The following PCDH15 variants were observed in gnomAD, a reference collection of about 807,000 sequenced individuals.
PCDH15 encodes protocadherin related 15.
A neutral mutation model predicts 178.5 loss-of-function variants in PCDH15; 129 were observed. That is an observed-to-expected ratio of 0.72 (90% CI 0.63 to 0.84). The LOEUF (loss-of-function observed/expected upper bound fraction) is 0.84, where lower values mean the gene tolerates loss of function less well. PCDH15 is among the 40% of genes least tolerant of loss of function. The pLI, the probability that PCDH15 is intolerant of heterozygous loss-of-function variation, is 0.00. For synonymous variants in PCDH15, 800 were observed against 732.0 expected, an observed-to-expected ratio of 1.09 and a Z score of -1.50; for missense variants, 2,230 against 2,099.9, an observed-to-expected ratio of 1.06 and a Z score of -1.21.
intron 1 of PCDH15, among the ~76,000 whole-genome samples, chr10:54,798,556 C>T (rs983993368): frequency 7.2e-5 from 11 of 151,798 alleles, no homozygotes; most frequent in Admixed American, 1.3e-4. Flanking sequence ...CAAGTGGTCC[C>T]GATACTAAGA....
intron 3 of PCDH15, among the ~76,000 whole-genome samples, chr10:54,852,516 C>A (rs1256156726): frequency 1.3e-5 from 2 of 151,986 alleles, no homozygotes; most frequent in African/African-American, 4.8e-5. Flanking sequence ...AAGAGAACTC[C>A]TACAAAAAAT....
At chr10:55,464,140 T>C (rs571162503) in intron 2 of PCDH15, among the ~76,000 whole-genome samples, 1 of 152,214 alleles carries the variant, frequency 6.6e-6, no homozygotes, top group South Asian at 2.1e-4. Flanking sequence ...GGGAGTCGGA[T>C]CAACCAATGT....
At chr10:54,157,877 A>C (rs141145823) in intron 13 of PCDH15, among the ~76,000 whole-genome samples, 1,705 of 152,298 alleles carry the variant, frequency 0.011, 36 homozygotes, top group African/African-American at 0.037. Context: ...TCTCTAGAGC[A>C]GGGGCAAAAT....
chr10:53,950,817 G>A (rs903779919), intron 23 of PCDH15, among the ~76,000 whole-genome samples: 4 of 152,124 alleles, frequency 2.6e-5, no homozygotes, highest in African/African-American at 7.2e-5. Flanking sequence ...ATATATAAAA[G>A]GAATTTAATG....
intron 21 of PCDH15, 99 bp from the exon 22 acceptor site, chr10:53,961,991 A>G: frequency 9.9e-7 from 1 of 1,012,044 alleles, no homozygotes; most frequent in Non-Finnish European, 1.5e-6. Context: ...GTCTTTTAGA[A>G]GTGAAAATCA....
intron 2 of PCDH15, among the ~76,000 whole-genome samples, chr10:55,063,759 C>T (rs1048992934): frequency 2.0e-5 from 3 of 152,068 alleles, no homozygotes; most frequent in Non-Finnish European, 2.9e-5. Context: ...AAGTCAAGCT[C>T]CCCATAAAGC....
chr10:54,729,556 A>G (rs2152566), intron 1 of PCDH15, among the ~76,000 whole-genome samples: 92,061 of 151,498 alleles, frequency 0.61, 28,954 homozygotes, highest in Middle Eastern at 0.72. Context: ...GACAAGTGGG[A>G]CCTAATTATA....
At position 53,823,200 on chromosome 10, in the gene PCDH15, G is replaced by C. The variant is rs372466739; in HGVS notation, c.4368-2970C>G. ...AGATAGAAATGTGAATTTTCTTGCAGACTTCAGTTTGTTGCTCTTAAGTGA... is the reference window on the plus strand; with the variant it reads ...AGATAGAAATGTGAATTTTCTTGCACACTTCAGTTTGTTGCTCTTAAGTGA... On this transcript the variant is annotated intron_variant, in intron 32 of 37. Coordinates refer to ENST00000644397, the MANE Select transcript of PCDH15 (RefSeq NM_001384140.1). The C allele has an allele frequency of 2.5e-6, 4 of 1,613,874 alleles. No homozygotes were observed. The African/African-American group carries it at 5.3e-5, about 22-fold the overall frequency.
chr10:53,915,952 G>A (rs1589403934), intron 25 of PCDH15, among the ~76,000 whole-genome samples: 1 of 152,062 alleles, frequency 6.6e-6, no homozygotes, highest in Non-Finnish European at 1.5e-5. Flanking sequence ...TATCTGTGGG[G>A]GATTGGTCCC....
At chr10:54,200,754 A>G (rs1373341323) in intron 10 of PCDH15, among the ~76,000 whole-genome samples, 1 of 151,852 alleles carries the variant, frequency 6.6e-6, no homozygotes, top group African/African-American at 2.4e-5. Context: ...ATTTTTTCTC[A>G]TTCTCGTTTG....
intron 18 of PCDH15, among the ~76,000 whole-genome samples, chr10:54,059,337 A>G (rs1454502443): frequency 1.3e-5 from 2 of 152,206 alleles, no homozygotes; most frequent in African/African-American, 4.8e-5. Context: ...TACTGTTGGG[A>G]GTATGCACAA....
At chr10:53,826,152 G>A (rs1419147949) in intron 32 of PCDH15, among the ~76,000 whole-genome samples, 2 of 150,366 alleles carry the variant, frequency 1.3e-5, no homozygotes, top group African/African-American at 2.4e-5. Context: ...AATTACAAAA[G>A]AAACAATCAT....
chr10:54,799,861 C>CA (rs1043591456), intron 1 of PCDH15, among the ~76,000 whole-genome samples: 1 of 150,888 alleles, frequency 6.6e-6, no homozygotes, highest in South Asian at 2.1e-4. Flanking sequence ...GAAAAGAAAA[C>CA]AAAAAAACAG....
chr10:54,342,850 A>G (rs1245191605), intron 6 of PCDH15, among the ~76,000 whole-genome samples: 1 of 152,172 alleles, frequency 6.6e-6, no homozygotes, highest in African/African-American at 2.4e-5. Flanking sequence ...TTAAGATTTA[A>G]TAACTGCCCT....
chr10:55,052,696 A>G (rs1328492844), intron 2 of PCDH15, among the ~76,000 whole-genome samples: 2 of 151,944 alleles, frequency 1.3e-5, no homozygotes, highest in Non-Finnish European at 2.9e-5. Flanking sequence ...AGCCTGGGCC[A>G]CAGAGTGAGA....
chr10:55,356,732 G>A (rs1196302303), intron 2 of PCDH15, among the ~76,000 whole-genome samples: 1 of 151,770 alleles, frequency 6.6e-6, no homozygotes, highest in Non-Finnish European at 1.5e-5. Flanking sequence ...TAATTACCCT[G>A]TAAGATATGT....
intron 15 of PCDH15, among the ~76,000 whole-genome samples, chr10:54,131,335 TG>T (rs2042418117): frequency 6.6e-6 from 1 of 152,188 alleles, no homozygotes; most frequent in Admixed American, 6.5e-5. Context: ...AAATTTATTT[TG>T]TTTTCCTTTT....
intron 1 of PCDH15, among the ~76,000 whole-genome samples, chr10:55,275,973 T>C (rs1237959429): frequency 6.6e-6 from 1 of 151,294 alleles, no homozygotes; most frequent in Admixed American, 6.6e-5. Context: ...TTTCATAAAA[T>C]ATATATTTTT....
chr10:54,630,648 T>C (rs1271143845), intron 2 of PCDH15, among the ~76,000 whole-genome samples: 4 of 151,928 alleles, frequency 2.6e-5, no homozygotes, highest in Non-Finnish European at 5.9e-5. Context: ...TTACAAAAAA[T>C]AAAAATTGAC....
Sources: gnomAD v4.1 joint callset for allele counts (sites outside exome capture counted in the v4.1 genomes callset) on GRCh38, gnomAD v4.1.1 for gene constraint, MANE v1.5 for transcripts, NCBI Gene and HGNC (gene_info 2026-07-23, HGNC 2026-07-21) for gene names.